The following SLC14A2 variants were observed in gnomAD, a reference collection of about 807,000 sequenced individuals.
The protein encoded by SLC14A2 is solute carrier family 14 member 2, also known as urea transporter 2.
Under a neutral mutation model 104.6 loss-of-function variants are expected in SLC14A2, and 91 were observed. That is an observed-to-expected ratio of 0.87 (90% CI 0.73 to 1.04). The LOEUF (loss-of-function observed/expected upper bound fraction) is 1.04. Among genes scored for constraint, SLC14A2 ranks in the 50% least tolerant of loss-of-function variants. The probability of loss-of-function intolerance (pLI) is 0.00; values close to 1 mark genes in which losing one functional copy is unlikely to be tolerated. For synonymous variants in SLC14A2, 476 were observed against 466.4 expected (o/e 1.02, Z -0.27); for missense variants, 1,189 against 1,156.0 (o/e 1.03, Z -0.41).
chr18:45,611,796 C>A (rs529178510), upstream of SLC14A2, among the ~76,000 whole-genome samples: 8 of 152,284 alleles, frequency 5.3e-5, no homozygotes, highest in South Asian at 1.7e-3. Flanking sequence ...ACATCACTGA[C>A]CCTGCAAAAC....
chr18:45,606,409 T>C (rs2044868853), intron 2 of SLC14A2, among the ~76,000 whole-genome samples: 1 of 152,028 alleles, frequency 6.6e-6, no homozygotes, highest in South Asian at 2.1e-4. Context: ...GGGAGGGAGC[T>C]CTAGAGGTGG....
intron 2 of SLC14A2, among the ~76,000 whole-genome samples, chr18:45,588,208 G>T (rs1021072178): frequency 5.3e-5 from 8 of 152,162 alleles, no homozygotes; most frequent in Non-Finnish European, 1.0e-4. Flanking sequence ...AAAATAGAAG[G>T]AACTGGCTGG....
At chr18:45,656,765 A>T (rs767792902) in intron 10 of SLC14A2, among the ~76,000 whole-genome samples, 2 of 152,208 alleles carry the variant, frequency 1.3e-5, no homozygotes, top group Non-Finnish European at 2.9e-5. Flanking sequence ...ATGCTAATTA[A>T]CGTCTTCCCC....
intron 1 of SLC14A2, among the ~76,000 whole-genome samples, chr18:45,383,885 C>T (rs1439668007): frequency 2.0e-5 from 3 of 152,116 alleles, no homozygotes; most frequent in African/African-American, 7.2e-5. Flanking sequence ...CTTCCCTGCA[C>T]CCCCAAGAAG....
chr18:45,192,637 G>GT, the SLC14A2 span, among the ~76,000 whole-genome samples: 409 of 122,020 alleles, frequency 3.4e-3, 5 homozygotes, highest in African/African-American at 0.013. Context: ...TGTGTGTGTG[G>GT]TTTTTTTTTG....
chr18:45,622,316 G>A (rs1432780956), intron 1 of SLC14A2, among the ~76,000 whole-genome samples: 1 of 152,174 alleles, frequency 6.6e-6, no homozygotes, highest in Non-Finnish European at 1.5e-5. Flanking sequence ...AGCATTAAGT[G>A]TGACTCCTGA....
At chr18:45,517,041 G>A (rs1259887837) in intron 2 of SLC14A2, among the ~76,000 whole-genome samples, 1 of 152,218 alleles carries the variant, frequency 6.6e-6, no homozygotes, top group Non-Finnish European at 1.5e-5. Flanking sequence ...TGTGAACTGG[G>A]CACAAGGACA....
chr18:45,373,615 C>T (rs1293544684), intron 1 of SLC14A2, among the ~76,000 whole-genome samples: 1 of 152,182 alleles, frequency 6.6e-6, no homozygotes, highest in Non-Finnish European at 1.5e-5. Context: ...ATCAGATGCT[C>T]CTGTTTCTAC....
intron 2 of SLC14A2, among the ~76,000 whole-genome samples, chr18:45,574,236 A>G (rs1045098396): frequency 2.6e-5 from 4 of 152,128 alleles, no homozygotes; most frequent in African/African-American, 9.7e-5. Context: ...ATGTGTGTGT[A>G]ATGTAGGGGA....
rs2044039254 is a variant in SLC14A2, at chr18:45,550,313, A to G, written c.-35+66991A>G. ...TCTTTTGCCCTAGCCACACAGAACC[A>G]TGGCTGCTCCCTGAACCCCCCAGTT... is the stretch of plus-strand genomic sequence containing the variant. On this transcript the variant is annotated intron_variant, in intron 2 of 20. Transcript: ENST00000586448. 4 of 152,248 alleles carry G rather than the reference A, an allele frequency of 2.6e-5. No individual in the cohort carries two copies. The South Asian group carries it at 8.3e-4, about 32-fold the overall frequency. 9.4% of individuals were successfully genotyped at this position (152,248 alleles called of 1,614,324 possible).
chr18:45,479,854 G>A (rs534192432), intron 1 of SLC14A2, among the ~76,000 whole-genome samples: 10 of 152,272 alleles, frequency 6.6e-5, no homozygotes, highest in Middle Eastern at 3.4e-3. Flanking sequence ...CAAAGGTCTG[G>A]ACTCTGTCCG....
At chr18:45,257,092 G>T (rs527461414) in intron 1 of SLC14A2, among the ~76,000 whole-genome samples, 2 of 152,190 alleles carry the variant, frequency 1.3e-5, no homozygotes, top group East Asian at 3.8e-4. Flanking sequence ...CTTTCCTGAT[G>T]CCTCTACCAT....
At chr18:45,426,544 ATGTGTG>A (rs138158754) in intron 1 of SLC14A2, among the ~76,000 whole-genome samples, 2 of 131,152 alleles carry the variant, frequency 1.5e-5, no homozygotes, top group South Asian at 2.2e-4. Flanking sequence ...TGAGATCAGC[ATGTGTG>A]TGTGTGTGTG....
At chr18:45,599,194 G>C (rs2044754456) in intron 2 of SLC14A2, among the ~76,000 whole-genome samples, 1 of 152,164 alleles carries the variant, frequency 6.6e-6, no homozygotes, top group Non-Finnish European at 1.5e-5. Context: ...AACTTTCAAA[G>C]GAATTTCATT....
intron 1 of SLC14A2, among the ~76,000 whole-genome samples, chr18:45,300,820 T>G (rs1432845668): frequency 1.3e-5 from 2 of 152,218 alleles, no homozygotes; most frequent in African/African-American, 4.8e-5. Context: ...TAGTGTGAGT[T>G]AGACCTTGGA....
Position 45,279,081 on chromosome 18 carries a change from G to A in SLC14A2, c.-125+65890G>A, listed in dbSNP as rs2084734431. Among the ~76,000 whole-genome samples the A allele has an allele frequency of 2.0e-5, 3 of 152,302 alleles. No individual in the cohort carries two copies. The South Asian group carries it at 6.2e-4, about 32-fold the overall frequency. On this transcript the variant is annotated intron_variant, in intron 1 of 20. Coordinates refer to the SLC14A2 transcript ENST00000586448. Reference sequence around the variant, plus strand: ...GCCCAGGCATGCTGGCCCAGGGCCTGGTTCTGATCAGTTCTGCAGGCCACA... The same window carrying A: ...GCCCAGGCATGCTGGCCCAGGGCCTAGTTCTGATCAGTTCTGCAGGCCACA...
At chr18:45,545,983 T>C (rs1282230863) in intron 2 of SLC14A2, among the ~76,000 whole-genome samples, 2 of 152,246 alleles carry the variant, frequency 1.3e-5, no homozygotes, top group Non-Finnish European at 2.9e-5. Flanking sequence ...ATTTATTTTT[T>C]CCTAGAAATG....
intron 1 of SLC14A2, among the ~76,000 whole-genome samples, chr18:45,400,744 T>A (rs2086086848): frequency 6.6e-6 from 1 of 152,192 alleles, no homozygotes; most frequent in Non-Finnish European, 1.5e-5. Flanking sequence ...CTGCTGTAGG[T>A]AAGAGCTTTA....
At chr18:45,536,699 G>T (rs1482616586) in intron 2 of SLC14A2, among the ~76,000 whole-genome samples, 1 of 152,068 alleles carries the variant, frequency 6.6e-6, no homozygotes, top group Non-Finnish European at 1.5e-5. Context: ...ATATCTTTTG[G>T]GGGGCACAAT....
Sources: allele counts gnomAD v4.1 joint callset (sites outside exome capture counted in the v4.1 genomes callset), GRCh38; gene constraint gnomAD v4.1.1; transcripts MANE v1.5; gene names NCBI Gene and HGNC (gene_info 2026-07-23, HGNC 2026-07-21).